Variants in JAKMIP2 observed in about 807,000 individuals in gnomAD.
The protein encoded by JAKMIP2 is janus kinase and microtubule-interacting protein 2.
Under a neutral mutation model 115.0 loss-of-function variants are expected in JAKMIP2, and 25 were observed. The observed-to-expected ratio is 0.22, with a 90% CI of 0.16 to 0.30. The LOEUF is 0.30. JAKMIP2 is among the 10% of genes least tolerant of loss of function. The pLI, the probability that JAKMIP2 is intolerant of heterozygous loss-of-function variation, is 1.00. For missense variants in JAKMIP2, 642 were observed against 957.6 expected (o/e 0.67, Z 4.35); for synonymous variants, 334 against 343.6 (o/e 0.97, Z 0.31).
chr5:147,677,718 AG>A (rs2126823237), intron 1 of JAKMIP2, among the ~76,000 whole-genome samples: 1 of 152,374 alleles, frequency 6.6e-6, no homozygotes, highest in East Asian at 1.9e-4. Flanking sequence ...ATTGACAAAA[AG>A]TATGTATTTA....
intron 1 of JAKMIP2, among the ~76,000 whole-genome samples, chr5:147,720,313 G>A (rs1753214398): frequency 6.6e-6 from 1 of 151,240 alleles, no homozygotes; most frequent in African/African-American, 2.4e-5. Context: ...TGGTGAATCT[G>A]AAAATTATGT....
chr5:147,751,716 T>C (rs192552373), intron 1 of JAKMIP2, among the ~76,000 whole-genome samples: 2 of 152,226 alleles, frequency 1.3e-5, no homozygotes, highest in Admixed American at 1.3e-4. Context: ...TCTGAAATTC[T>C]TTCTGGTCGA....
chr5:147,660,902 G>C, intron 3 of JAKMIP2, 46 bp downstream of exon 3: 1 of 1,585,650 alleles, frequency 6.3e-7, no homozygotes, highest in Admixed American at 1.8e-5. Flanking sequence ...TCTGAAACCT[G>C]GAAGAGATGG....
intron 3 of JAKMIP2, among the ~76,000 whole-genome samples, chr5:147,658,213 G>A (rs1383957797): frequency 6.6e-6 from 1 of 152,142 alleles, no homozygotes; most frequent in East Asian, 1.9e-4. Context: ...TGTTGTTGCT[G>A]CTTTTTTAGT....
rs1489081952 is a variant in JAKMIP2, at chr5:147,586,492, G to C, written c.*5215C>G. 6.6e-6 allele frequency: 1 copy of C among 152,032 alleles called. No homozygotes were observed. The highest frequency in any genetic ancestry group is 1.5e-5 in the Non-Finnish European group (1 of 68,022). The allele number at this position is 152,032 out of a possible 1,614,324, so 9.4% of individuals were successfully genotyped here. A position where few individuals can be genotyped will look rare whatever the true frequency, so the allele number is the denominator to read the frequency against. On this transcript the variant is annotated 3_prime_UTR_variant, in exon 22 of 22. Coordinates refer to ENST00000616793, the MANE Select transcript of JAKMIP2 (RefSeq NM_001270941.2). ...CTCTTTAGTAAGTTCGTGGGATCTT[G>C]ATTGTGGGCAAAATTGGGCTCAAAG...
intron 1 of JAKMIP2, among the ~76,000 whole-genome samples, chr5:147,767,195 C>T (rs1203904931): frequency 1.3e-5 from 2 of 152,026 alleles, no homozygotes; most frequent in South Asian, 2.1e-4. Context: ...CACGCGTGCA[C>T]GCACACACAC....
chr5:147,715,000 T>A (rs1399120765), intron 1 of JAKMIP2, among the ~76,000 whole-genome samples: 1 of 152,136 alleles, frequency 6.6e-6, no homozygotes. Context: ...AAAATATACA[T>A]AATTATAATC....
At chr5:147,615,783 T>G (rs1756540626) in intron 19 of JAKMIP2, among the ~76,000 whole-genome samples, 1 of 150,766 alleles carries the variant, frequency 6.6e-6, no homozygotes, top group Non-Finnish European at 1.5e-5. Flanking sequence ...GTGAATTCTC[T>G]GTCTAGCACA....
intron 1 of JAKMIP2, among the ~76,000 whole-genome samples, chr5:147,716,517 A>G (rs1304904245): frequency 2.0e-5 from 3 of 151,722 alleles, no homozygotes; most frequent in African/African-American, 7.3e-5. Context: ...CTGTTTCCTG[A>G]CTTTTTAATG....
intron 20 of JAKMIP2, among the ~76,000 whole-genome samples, chr5:147,610,444 G>T (rs1027093330): frequency 1.3e-5 from 2 of 152,182 alleles, no homozygotes; most frequent in Admixed American, 6.5e-5. Context: ...AGGCCCCTCT[G>T]CTGCAAGTCT....
chr5:147,750,594 A>ACACACACACACAC (rs1561575467), intron 1 of JAKMIP2, among the ~76,000 whole-genome samples: 5 of 151,422 alleles, frequency 3.3e-5, no homozygotes, highest in Middle Eastern at 3.4e-3. Context: ...ACACACACAC[A>ACACACACACACAC]AAAGAAACCT....
chr5:147,728,963 G>T (rs1753621257), intron 1 of JAKMIP2, among the ~76,000 whole-genome samples: 1 of 151,892 alleles, frequency 6.6e-6, no homozygotes, highest in Non-Finnish European at 1.5e-5. Flanking sequence ...TGCCACACCT[G>T]GTACATAATT....
At chr5:147,720,382 C>G (rs1298492962) in intron 1 of JAKMIP2, among the ~76,000 whole-genome samples, 3 of 149,428 alleles carry the variant, frequency 2.0e-5, no homozygotes, top group African/African-American at 7.4e-5. Context: ...TTTCCTGAAT[C>G]TGAACGTTGG....
intron 3 of JAKMIP2, among the ~76,000 whole-genome samples, chr5:147,659,288 G>C (rs574219896): frequency 1.3e-5 from 2 of 152,278 alleles, no homozygotes; most frequent in South Asian, 4.1e-4. Context: ...GGAGGAAGGA[G>C]GTCACCTGGC....
At chr5:147,705,829 T>TAA (rs776848617) in intron 1 of JAKMIP2, among the ~76,000 whole-genome samples, 44 of 152,200 alleles carry the variant, frequency 2.9e-4, no homozygotes, top group Non-Finnish European at 3.7e-4. Context: ...TTCTATTTTT[T>TAA]ATGTATAAGA....
chr5:147,615,236 C>G (rs982894678), intron 19 of JAKMIP2, among the ~76,000 whole-genome samples: 1 of 152,144 alleles, frequency 6.6e-6, no homozygotes, highest in African/African-American at 2.4e-5. Flanking sequence ...ATATCTTGAG[C>G]AGTATGTGGT....
intron 1 of JAKMIP2, among the ~76,000 whole-genome samples, chr5:147,725,677 C>A (rs981476162): frequency 6.6e-6 from 1 of 152,048 alleles, no homozygotes; most frequent in East Asian, 1.9e-4. Flanking sequence ...TAATAAAAGG[C>A]AAGGATGCTT....
intron 1 of JAKMIP2, among the ~76,000 whole-genome samples, chr5:147,698,625 T>A (rs1752200917): frequency 6.6e-6 from 1 of 152,140 alleles, no homozygotes; most frequent in South Asian, 2.1e-4. Flanking sequence ...TCTCACAAGA[T>A]CTGATGGTCT....
rs537129085 is a variant in JAKMIP2 at position 147,718,367 on chromosome 5, G to A, written c.-148-46413C>T. Among the ~76,000 whole-genome samples the A allele has an allele frequency of 2.0e-5, 3 of 151,332 alleles. No homozygotes were observed. In the South Asian group the frequency reaches 6.3e-4, roughly 32 times the overall value. ...CAGAATGATGCTGGCCTCACAAAATGAGTTAGGGAGGATTCCCTCTTTTTC... is the reference window on the plus strand; with the variant it reads ...CAGAATGATGCTGGCCTCACAAAATAAGTTAGGGAGGATTCCCTCTTTTTC... On this transcript the variant is annotated intron_variant, in intron 1 of 21. Coordinates refer to ENST00000616793, the MANE Select transcript of JAKMIP2 (RefSeq NM_001270941.2).
Sources: gnomAD v4.1 joint callset for allele counts (sites outside exome capture counted in the v4.1 genomes callset) on GRCh38, gnomAD v4.1.1 for gene constraint, MANE v1.5 for transcripts, NCBI Gene and HGNC (gene_info 2026-07-23, HGNC 2026-07-21) for gene names.